UNK: variants seen among roughly 807,000 people sequenced by gnomAD.
The protein encoded by UNK is unk zinc finger.
In UNK, 32 loss-of-function variants were observed where a neutral mutation model predicts 97.6. The ratio of observed to expected loss-of-function variants is 0.33; its 90% CI spans 0.25 to 0.44. The LOEUF is 0.44. UNK is among the 20% of genes least tolerant of loss of function. The pLI is 1.00. For synonymous variants in UNK, 441 were observed against 461.2 expected, an observed-to-expected ratio of 0.96 and a Z score of 0.56; for missense variants, 771 against 1,098.4, an observed-to-expected ratio of 0.70 and a Z score of 4.21.
rs747305113 is a variant in UNK, at chr17:75,818,758, C to G, written c.1488C>G (p.Gly496=). 1 of 1,613,012 alleles carries G rather than the reference C, an allele frequency of 6.2e-7. No individual in the cohort carries two copies. The change falls in exon 11 of 16, where the codon GGC becomes GGG. Residue 496 remains glycine, a synonymous_variant. Transcript: ENST00000589666. The surrounding 1 kb of genome is among the most constrained non-coding windows in gnomAD (Gnocchi z 5.1). ...PSPVGTSSVP[G]MNANALPFYP... ...CAGTGGGCACCAGCAGCGTCCCCGG[C>G]ATGAATGCAAACGCTCTGCCCTTCT...
rs751777473 is a variant in UNK, at chr17:75,824,337, G to A, written c.2353G>A (p.Ala785Thr). Residue 785 changes from alanine to threonine, a missense_variant, in exon 16 of 16, where the codon GCT becomes ACT. By Grantham distance (58) the Ala-to-Thr change is moderately conservative (BLOSUM62 0). This residue lies in a region of UNK where 208 missense variants were observed against 257.4 expected (regional missense o/e 0.81). Coordinates refer to ENST00000589666, the MANE Select transcript of UNK (RefSeq NM_001080419.3). This position sits in a 1 kb window ranked among gnomAD's most constrained non-coding sequence, Gnocchi z 4.9. The stretch of plus-strand genomic sequence containing the variant: ...GCGGGCAGTGCTGCCGTGCCAACAC[G>A]CTGCGCTGTGTGAGCTCTGCGCTGA... Reference protein sequence around the residue: ...QKRAVLPCQHAALCELCAEGS... With the variant: ...QKRAVLPCQHTALCELCAEGS... The A allele has an allele frequency of 2.1e-5, 34 of 1,602,762 alleles. No homozygotes were observed. Among genetic ancestry groups the A allele is most frequent in the African/African-American group, 4.0e-5 (3 of 74,384 alleles).
At chr17:75,788,587 C>T (rs1428975927) in intron 1 of UNK, among the ~76,000 whole-genome samples, 3 of 152,132 alleles carry the variant, frequency 2.0e-5, no homozygotes, top group Admixed American at 6.5e-5. Flanking sequence ...CTCCTGACCT[C>T]GTGATCTGCC....
At chr17:75,813,283 C>T (rs2143787165) in intron 5 of UNK, 70 bp downstream of exon 5, 1 of 1,498,510 alleles carries the variant, frequency 6.7e-7, no homozygotes, top group Non-Finnish European at 8.9e-7. Context: ...AGAGGCTGCT[C>T]CCACTGGCTC....
At chr17:75,823,160 CT>C (rs1341315083) in intron 14 of UNK, 104 bp from the exon 15 acceptor site, 1 of 1,487,618 alleles carries the variant, frequency 6.7e-7, no homozygotes, top group East Asian at 2.3e-5. Context: ...GCCAACCCAG[CT>C]TCCCACCAGG....
rs780281001 is a variant in UNK at position 75,784,991 on chromosome 17, A to C, written c.104+7A>C. On this transcript the variant is annotated splice_region_variant and intron_variant, in intron 1 of 15. Transcript: ENST00000589666. ...AGAAACCGCAGCACTACACGTACGT[A>C]GAGCCCCCCCCCCCCCGCCGCGCGC... 1 of 1,259,350 alleles carries C rather than the reference A, an allele frequency of 7.9e-7. No homozygotes were observed. The allele number at this position is 1,259,350 out of a possible 1,614,324, so 78.0% of individuals were successfully genotyped here.
In UNK at chr17:75,812,349, C is replaced by T. The variant is rs376816386; in HGVS notation, c.491+61C>T. The T allele has an allele frequency of 2.3e-5, 36 of 1,579,318 alleles. No individual in the cohort carries two copies. In the East Asian group the frequency reaches 5.0e-4, roughly 22 times the overall value. ...GCTGGGGTCCAGGGCAGGGGCCTGG[C>T]GGCTAATGATGGTGAGTACCTCAGA... On this transcript the variant is annotated intron_variant, in intron 3 of 15. Coordinates refer to ENST00000589666, the MANE Select transcript of UNK (RefSeq NM_001080419.3).
intron 1 of UNK, among the ~76,000 whole-genome samples, chr17:75,806,097 C>T (rs966250847): frequency 4.9e-5 from 7 of 142,376 alleles, no homozygotes; most frequent in East Asian, 4.0e-4. Flanking sequence ...AGCGAGACTC[C>T]GTCTCAAAAA....
At chr17:75,806,771 T>C (rs2061922369) in intron 1 of UNK, among the ~76,000 whole-genome samples, 1 of 152,106 alleles carries the variant, frequency 6.6e-6, no homozygotes, top group Non-Finnish European at 1.5e-5. Context: ...AGACTCCGTC[T>C]CAAAAAAATA....
At chr17:75,795,376 G>C (rs976992936) in intron 1 of UNK, among the ~76,000 whole-genome samples, 2 of 152,050 alleles carry the variant, frequency 1.3e-5, no homozygotes, top group Non-Finnish European at 2.9e-5. Flanking sequence ...GTCTCGCTCT[G>C]TTGTCCAGGC....
At position 75,824,492 on chromosome 17, in the gene UNK, AT is replaced by A; in HGVS notation, c.*76del. 1 of 944,440 alleles carries A rather than the reference AT, an allele frequency of 1.1e-6. No homozygotes were observed. Among genetic ancestry groups the A allele is most frequent in the Non-Finnish European group, 1.3e-6 (1 of 743,688 alleles). The allele number at this position is 944,440 out of a possible 1,614,324, so 58.5% of individuals were successfully genotyped here. On this transcript the variant is annotated 3_prime_UTR_variant, in exon 16 of 16. Coordinates refer to ENST00000589666, the MANE Select transcript of UNK (RefSeq NM_001080419.3). The surrounding 1 kb of genome is among the most constrained non-coding windows in gnomAD (Gnocchi z 4.9). ...TTAAAGTATATATATATATATGAAT[AT>A]ATATATATATGTGTATGTATGTATG...
chr17:75,818,664 C>T lies in UNK; in HGVS notation c.1394C>T (p.Ala465Val). 1 of 1,599,340 alleles carries T rather than the reference C, an allele frequency of 6.3e-7. No individual in the cohort carries two copies. The highest frequency in any genetic ancestry group is 8.5e-7 in the Non-Finnish European group (1 of 1,171,822). ...PKQDMLGILP[A>V]GSPLTSSISS... ...CAGGACATGCTGGGCATCCTCCCCG[C>T]AGGCAGCCCCCTGACCTCAAGCATC... Residue 465 changes from alanine (A) to valine (V), a missense_variant, in exon 11 of 16, where the codon GCA (alanine) becomes GTA (valine). Transcript: ENST00000589666. The surrounding 1 kb of genome is among the most constrained non-coding windows in gnomAD (Gnocchi z 5.1).
Position 75,816,678 on chromosome 17 carries a change from GA to G in UNK, c.962-91del, listed in dbSNP as rs1429157410. 6 of 1,438,894 alleles carry G rather than the reference GA, an allele frequency of 4.2e-6. No individual in the cohort carries two copies. In the Admixed American group the frequency reaches 9.5e-5, roughly 23 times the overall value. The allele number at this position is 1,438,894 out of a possible 1,614,324, so 89.1% of individuals were successfully genotyped here. On this transcript the variant is annotated intron_variant, in intron 7 of 15. Transcript: ENST00000589666. The surrounding 1 kb of genome is among the most constrained non-coding windows in gnomAD (Gnocchi z 4.0). The stretch of plus-strand genomic sequence containing the variant: ...GGAACCTTCCCTTTATGTGCAGGGG[GA>G]TTTGTGGTCTCCTTTGGAAGGGACC...
chr17:75,815,071 A>G, intron 6 of UNK, 98 bp from the exon 7 acceptor site: 1 of 1,078,076 alleles, frequency 9.3e-7, no homozygotes, highest in South Asian at 1.4e-5. Flanking sequence ...ACACAGGGCA[A>G]GAGATGACTA....
rs2062049329 is a variant in UNK at position 75,819,750 on chromosome 17, A to G, written c.1613A>G (p.Asn538Ser). ...GVAALEKTFD[N>S]STVPHPGSIT... ...GCCGCCCTGGAGAAGACTTTCGATA[A>G]CAGCACAGTGCCCCACCCAGGAAGC... The change falls in exon 12 of 16, where the codon AAC (asparagine) becomes AGC (serine). Residue 538 changes from asparagine (N) to serine (S), a missense_variant. Coordinates refer to ENST00000589666, the MANE Select transcript of UNK (RefSeq NM_001080419.3). The surrounding 1 kb of genome is among the most constrained non-coding windows in gnomAD (Gnocchi z 5.4). 3 of 1,613,870 alleles carry G rather than the reference A, an allele frequency of 1.9e-6. No individual in the cohort carries two copies. Among genetic ancestry groups the G allele is most frequent in the Non-Finnish European group, 2.5e-6 (3 of 1,179,882 alleles).
In UNK at chr17:75,816,630, A is replaced by ATTTACTG; in HGVS notation, c.962-139_962-138insTTACTGT. 1 of 1,074,012 alleles carries ATTTACTG rather than the reference A, an allele frequency of 9.3e-7. No homozygotes were observed. Among genetic ancestry groups the ATTTACTG allele is most frequent in the East Asian group, 2.6e-5 (1 of 38,240 alleles). The allele number at this position is 1,074,012 out of a possible 1,614,324, so 66.5% of individuals were successfully genotyped here. ...CCTGGCACACAGTAAATGCACAGAC[A>ATTTACTG]TGGTGTTACTAGAGATGTCGTAGGA... is the stretch of plus-strand genomic sequence containing the variant. On this transcript the variant is annotated intron_variant, in intron 7 of 15. Transcript: ENST00000589666. The surrounding 1 kb of genome is among the most constrained non-coding windows in gnomAD (Gnocchi z 4.0).
intron 1 of UNK, among the ~76,000 whole-genome samples, chr17:75,795,192 C>T (rs895747653): frequency 3.3e-5 from 5 of 151,954 alleles, no homozygotes; most frequent in Admixed American, 1.3e-4. Flanking sequence ...GGGCCAAATA[C>T]GTTGTTGTAC....
Position 75,812,459 on chromosome 17 carries a change from C to G in UNK, c.496C>G (p.Leu166Val). The change falls in exon 4 of 16, where the codon CTT (leucine) becomes GTT (valine). Residue 166 changes from leucine (L) to valine (V), a missense_variant. Physicochemically the swap from Leu to Val is conservative, Grantham distance 32. Transcript: ENST00000589666. ...LRSPVYDIRE[L>V]QAMEALQNGQ... ...TGTTCTTTCCTCTCCTCCCAGGGAG[C>G]TTCAGGCCATGGAGGCCTTGCAGAA... 1 of 1,611,054 alleles carries G rather than the reference C, an allele frequency of 6.2e-7. No individual in the cohort carries two copies. Among genetic ancestry groups the G allele is most frequent in the Non-Finnish European group, 8.5e-7 (1 of 1,179,228 alleles).
chr17:75,821,747 G>A (rs2062070498), intron 13 of UNK: 1 of 456,366 alleles, frequency 2.2e-6, no homozygotes, highest in Non-Finnish European at 4.4e-6. Context: ...GGAAGCCCGG[G>A]GCTGCCCTGG....
At chr17:75,811,739 A>G (rs985806542) in intron 2 of UNK, among the ~76,000 whole-genome samples, 4 of 152,166 alleles carry the variant, frequency 2.6e-5, no homozygotes, top group Admixed American at 1.3e-4. Context: ...TTGTAATCCT[A>G]GCACTTTGGG....
Sources: allele counts gnomAD v4.1 joint callset (sites outside exome capture counted in the v4.1 genomes callset), GRCh38; gene constraint gnomAD v4.1.1; regional missense constraint gnomAD v4.1.1; non-coding constraint Gnocchi (gnomAD v3.1); transcripts MANE v1.5; gene names NCBI Gene and HGNC (gene_info 2026-07-23, HGNC 2026-07-21).